GPC5: variants seen among roughly 807,000 people sequenced by gnomAD.
The protein encoded by GPC5 is glypican 5.
A neutral mutation model predicts 53.9 loss-of-function variants in GPC5; 47 were observed. The observed-to-expected ratio is 0.87, with a 90% CI of 0.69 to 1.11. The LOEUF (loss-of-function observed/expected upper bound fraction) is 1.11. Ranked by LOEUF, GPC5 falls within the 50% of genes most tolerant of loss-of-function variation. The pLI is 0.00. For synonymous variants in GPC5, 286 were observed against 263.3 expected (o/e 1.09, Z -0.84); for missense variants, 748 against 713.1 (o/e 1.05, Z -0.56).
intron 7 of GPC5, among the ~76,000 whole-genome samples, chr13:92,517,248 G>A (rs563477127): frequency 9.8e-5 from 15 of 152,316 alleles, no homozygotes; most frequent in African/African-American, 3.6e-4. Flanking sequence ...CTCCACCTCT[G>A]GGGACAGGGC....
chr13:92,865,661 A>G (rs1879314021), intron 7 of GPC5, among the ~76,000 whole-genome samples: 1 of 152,156 alleles, frequency 6.6e-6, no homozygotes, highest in South Asian at 2.1e-4. Flanking sequence ...TTCCCTCCAC[A>G]AGAAAAATGC....
intron 7 of GPC5, among the ~76,000 whole-genome samples, chr13:92,228,327 A>ACTTTTATTTCTTTTT (rs2042504145): frequency 6.6e-6 from 1 of 152,166 alleles, no homozygotes; most frequent in Non-Finnish European, 1.5e-5. Flanking sequence ...AAAGAAATAA[A>ACTTTTATTTCTTTTT]AGTAAAATTA....
chr13:92,357,829 C>A (rs35520935), intron 7 of GPC5, among the ~76,000 whole-genome samples: 1 of 151,120 alleles, frequency 6.6e-6, no homozygotes, highest in African/African-American at 2.5e-5. Flanking sequence ...CACATCCCTG[C>A]AGGCCCCTCC....
intron 2 of GPC5, among the ~76,000 whole-genome samples, chr13:91,640,444 G>T (rs921852480): frequency 2.6e-5 from 4 of 152,202 alleles, no homozygotes; most frequent in South Asian, 2.1e-4. Context: ...TCTCACGCCA[G>T]TCAGACTGGC....
intron 2 of GPC5, among the ~76,000 whole-genome samples, chr13:91,624,758 C>G (rs1487440852): frequency 2.6e-5 from 4 of 151,884 alleles, no homozygotes; most frequent in Non-Finnish European, 5.9e-5. Flanking sequence ...AAAAATCACA[C>G]TAAGTTAATT....
intron 2 of GPC5, among the ~76,000 whole-genome samples, chr13:91,586,436 G>T (rs967192248): frequency 7.4e-6 from 1 of 134,502 alleles, no homozygotes; most frequent in East Asian, 2.3e-4. Context: ...GTTTCATATG[G>T]CTGACAAGGC....
chr13:91,852,682 C>A (rs1477884731), intron 5 of GPC5, among the ~76,000 whole-genome samples: 1 of 151,990 alleles, frequency 6.6e-6, no homozygotes, highest in African/African-American at 2.4e-5. Flanking sequence ...TTATTTACAC[C>A]AGCCTCACCA....
intron 5 of GPC5, among the ~76,000 whole-genome samples, chr13:91,823,963 G>A (rs984072818): frequency 6.6e-6 from 1 of 152,048 alleles, no homozygotes; most frequent in Non-Finnish European, 1.5e-5. Context: ...GGTTGGTGTT[G>A]TGCATTTGGC....
intron 7 of GPC5, among the ~76,000 whole-genome samples, chr13:92,787,317 T>C (rs376766882): frequency 3.3e-5 from 5 of 151,956 alleles, no homozygotes; most frequent in South Asian, 2.1e-4. Flanking sequence ...TAATAACACC[T>C]ATTATAAAAA....
intron 7 of GPC5, among the ~76,000 whole-genome samples, chr13:92,556,884 A>G (rs765403905): frequency 4.6e-5 from 7 of 151,842 alleles, no homozygotes; most frequent in Non-Finnish European, 1.0e-4. Context: ...TCTATGTATT[A>G]TAGTCTGGTA....
intron 6 of GPC5, among the ~76,000 whole-genome samples, chr13:92,053,341 AGT>A (rs1290308058): frequency 3.3e-5 from 5 of 152,194 alleles, no homozygotes; most frequent in African/African-American, 1.2e-4. Context: ...CTCTGTGACC[AGT>A]GTCTGTGCTC....
chr13:92,180,563 A>G (rs2042139439), intron 7 of GPC5, among the ~76,000 whole-genome samples: 1 of 152,162 alleles, frequency 6.6e-6, no homozygotes, highest in Non-Finnish European at 1.5e-5. Context: ...AATTAATCCA[A>G]CACTTTGAAA....
At chr13:92,031,001 A>C (rs1284256869) in intron 6 of GPC5, among the ~76,000 whole-genome samples, 2 of 152,088 alleles carry the variant, frequency 1.3e-5, no homozygotes. Context: ...AGTCCTATAA[A>C]AATTTTTCAT....
rs551574961 is a variant in GPC5, at chr13:92,369,051, C to T, written c.1561+224062C>T. ...GATGTATTCATTCACAAAAGAAATT[C>T]GTTCACAATAACAAATAAGATGCAA... On this transcript the variant is annotated intron_variant, in intron 7 of 7. Transcript: ENST00000377067. Among the ~76,000 whole-genome samples, 6 of 152,310 alleles carry T rather than the reference C, an allele frequency of 3.9e-5. No individual in the cohort carries two copies. In the East Asian group the frequency reaches 5.8e-4, roughly 15 times the overall value.
intron 1 of GPC5, among the ~76,000 whole-genome samples, chr13:91,438,149 CT>C (rs143745385): frequency 0.051 from 7,703 of 152,122 alleles, 293 homozygotes; most frequent in East Asian, 0.18. Flanking sequence ...TGTCTGAAGC[CT>C]TTTCTCAACT....
At chr13:92,382,156 A>T (rs554439125) in intron 7 of GPC5, among the ~76,000 whole-genome samples, 1 of 151,932 alleles carries the variant, frequency 6.6e-6, no homozygotes, top group South Asian at 2.1e-4. Context: ...GATACGTGGA[A>T]GCTAAGCTAT....
intron 7 of GPC5, among the ~76,000 whole-genome samples, chr13:92,394,831 T>A (rs1000534985): frequency 6.6e-6 from 1 of 152,230 alleles, no homozygotes; most frequent in African/African-American, 2.4e-5. Flanking sequence ...TTTTAAATAG[T>A]GTTAGTTTAT....
At chr13:92,630,372 C>T (rs1885195477) in intron 7 of GPC5, among the ~76,000 whole-genome samples, 1 of 152,046 alleles carries the variant, frequency 6.6e-6, no homozygotes, top group South Asian at 2.1e-4. Context: ...TAATGTACAC[C>T]TACATGAGAA....
At chr13:91,695,115 T>C (rs911376130) in intron 3 of GPC5, among the ~76,000 whole-genome samples, 3 of 152,100 alleles carry the variant, frequency 2.0e-5, no homozygotes, top group African/African-American at 4.8e-5. Flanking sequence ...CATAGGGTAA[T>C]GTGTGGGCTG....
Sources: allele counts gnomAD v4.1 joint callset (sites outside exome capture counted in the v4.1 genomes callset), GRCh38; gene constraint gnomAD v4.1.1; transcripts MANE v1.5; gene names NCBI Gene and HGNC (gene_info 2026-07-23, HGNC 2026-07-21).